Variants in FRMD6 observed in about 807,000 individuals in gnomAD.
The protein encoded by FRMD6 is FERM domain containing 6.
A neutral mutation model predicts 73.2 loss-of-function variants in FRMD6; 37 were observed. The observed-to-expected ratio is 0.51, with a 90% CI of 0.39 to 0.66. The LOEUF (loss-of-function observed/expected upper bound fraction) is 0.66. Among genes scored for constraint, FRMD6 ranks in the 30% least tolerant of loss-of-function variants. The pLI is 0.00. For synonymous variants in FRMD6, 273 were observed against 282.2 expected (o/e 0.97, Z 0.33); for missense variants, 714 against 780.5 (o/e 0.91, Z 1.02).
At chr14:51,497,031 AG>A (rs1883334026) in intron 1 of FRMD6, among the ~76,000 whole-genome samples, 1 of 152,198 alleles carries the variant, frequency 6.6e-6, no homozygotes, top group Admixed American at 6.5e-5. Flanking sequence ...ATGTTGAAAC[AG>A]GGACATGGTA....
At chr14:51,525,014 G>A (rs1885152492) in intron 1 of FRMD6, among the ~76,000 whole-genome samples, 1 of 148,098 alleles carries the variant, frequency 6.8e-6, no homozygotes, top group African/African-American at 2.5e-5. Flanking sequence ...TGTGTGTTGG[G>A]TGGGTGGGTG....
intron 2 of FRMD6, among the ~76,000 whole-genome samples, chr14:51,605,102 C>T (rs1273488070): frequency 1.3e-5 from 2 of 148,668 alleles, no homozygotes; most frequent in East Asian, 4.0e-4. Flanking sequence ...GTTACATAGT[C>T]ATTACTTTTT....
the FRMD6 span, among the ~76,000 whole-genome samples, chr14:51,472,510 A>G: frequency 6.6e-6 from 1 of 152,108 alleles, no homozygotes; most frequent in African/African-American, 2.4e-5. Context: ...TCACCGTGCT[A>G]GCCAGGATGG....
intron 1 of FRMD6, among the ~76,000 whole-genome samples, chr14:51,518,231 T>A (rs1039369188): frequency 1.7e-4 from 26 of 152,300 alleles, no homozygotes; most frequent in African/African-American, 6.3e-4. Flanking sequence ...AAGTATATAC[T>A]GTAGTAAAGA....
chr14:51,626,919 G>T (rs1891139346), intron 2 of FRMD6, among the ~76,000 whole-genome samples: 2 of 152,168 alleles, frequency 1.3e-5, no homozygotes, highest in South Asian at 2.1e-4. Context: ...AGGGAAAAAA[G>T]AAATCTATGT....
chr14:51,399,370 A>G, the FRMD6 span, among the ~76,000 whole-genome samples: 11 of 152,176 alleles, frequency 7.2e-5, no homozygotes, highest in Non-Finnish European at 1.3e-4. Context: ...TAAATCTACT[A>G]CTTTCCTCTC....
intron 2 of FRMD6, among the ~76,000 whole-genome samples, chr14:51,601,990 A>G (rs774719157): frequency 6.6e-6 from 1 of 152,224 alleles, no homozygotes; most frequent in Non-Finnish European, 1.5e-5. Flanking sequence ...TAATACCAAA[A>G]TCAACTTCCT....
At chr14:51,481,872 C>T in the FRMD6 span, among the ~76,000 whole-genome samples, 1 of 152,204 alleles carries the variant, frequency 6.6e-6, no homozygotes, top group East Asian at 1.9e-4. Context: ...GAGATTAGGG[C>T]ATATGCAGAG....
At position 51,597,077 on chromosome 14, in the gene FRMD6, A is replaced by G. The variant is rs115522902; in HGVS notation, c.-147+26667A>G. ...ATTTGCTCATGAAGCAATGTTACCT[A>G]TGATGTGCATAATCATTCACACATT... On this transcript the variant is annotated intron_variant, in intron 2 of 14. Transcript: ENST00000356218. Among the ~76,000 whole-genome samples the G allele has an allele frequency of 4.0e-3, 614 of 152,372 alleles. 2 individuals carry two copies. The highest frequency in any genetic ancestry group is 0.014 in the African/African-American group (587 of 41,596).
chr14:51,406,583 A>G, the FRMD6 span, among the ~76,000 whole-genome samples: 1 of 152,130 alleles, frequency 6.6e-6, no homozygotes, highest in Admixed American at 6.5e-5. Context: ...TTTTGTGGCA[A>G]TTGTGAGTGG....
rs1186587553 is a variant in FRMD6 at position 51,730,605 on chromosome 14, GATC to G, written c.*2582_*2584del. On this transcript the variant is annotated 3_prime_UTR_variant, in exon 14 of 14. Transcript: ENST00000344768. ...CTGTAAATAATCCTTTCTGTGAAAG[GATC>G]ATCATATCAAGATGATACCAAAAGT... 8 of 152,442 alleles carry G rather than the reference GATC, an allele frequency of 5.2e-5. No homozygotes were observed. Among genetic ancestry groups the G allele is most frequent in the Non-Finnish European group, 1.0e-4 (7 of 68,028 alleles). 9.4% of individuals were successfully genotyped at this position (152,442 alleles called of 1,614,324 possible). A position where few individuals can be genotyped will look rare whatever the true frequency, so the allele number is the denominator to read the frequency against.
At chr14:51,473,667 T>C in the FRMD6 span, among the ~76,000 whole-genome samples, 1 of 152,184 alleles carries the variant, frequency 6.6e-6, no homozygotes, top group Admixed American at 6.5e-5. Flanking sequence ...TCTGGCTCTA[T>C]CTCAGGGAGT....
At chr14:51,703,638 GC>G in intron 5 of FRMD6, among the ~76,000 whole-genome samples, 1 of 152,026 alleles carries the variant, frequency 6.6e-6, no homozygotes, top group African/African-American at 2.4e-5. Flanking sequence ...CTATACTTCT[GC>G]CCCTTTTTCC....
chr14:51,419,772 A>G, the FRMD6 span, among the ~76,000 whole-genome samples: 1 of 152,156 alleles, frequency 6.6e-6, no homozygotes, highest in African/African-American at 2.4e-5. Flanking sequence ...AAGGTCTACA[A>G]TCTCTTGTGT....
At chr14:51,628,989 G>GC (rs1277882530) in intron 2 of FRMD6, among the ~76,000 whole-genome samples, 1 of 146,052 alleles carries the variant, frequency 6.8e-6, no homozygotes, top group East Asian at 2.1e-4. Context: ...CCATTCTCCT[G>GC]CCTCAGCCTC....
chr14:51,511,919 C>T (rs768176006), intron 1 of FRMD6, among the ~76,000 whole-genome samples: 2 of 151,634 alleles, frequency 1.3e-5, no homozygotes, highest in African/African-American at 2.4e-5. Flanking sequence ...TTAAAATAAA[C>T]AAGAAACAAC....
intron 6 of FRMD6, among the ~76,000 whole-genome samples, chr14:51,707,076 T>C (rs929335988): frequency 6.6e-6 from 1 of 152,116 alleles, no homozygotes; most frequent in African/African-American, 2.4e-5. Flanking sequence ...CCATCTGCTT[T>C]AGTGCCCTTA....
At chr14:51,398,564 T>A in the FRMD6 span, among the ~76,000 whole-genome samples, 19 of 152,200 alleles carry the variant, frequency 1.2e-4, no homozygotes, top group African/African-American at 4.6e-4. Flanking sequence ...AATTGCATTT[T>A]TTTTTTGCAT....
chr14:51,429,168 A>G, the FRMD6 span, among the ~76,000 whole-genome samples: 1 of 152,190 alleles, frequency 6.6e-6, no homozygotes, highest in African/African-American at 2.4e-5. Context: ...TGATTCTCCA[A>G]ACCAGTTCAG....
Sources: allele counts gnomAD v4.1 joint callset (sites outside exome capture counted in the v4.1 genomes callset), GRCh38; gene constraint gnomAD v4.1.1; transcripts MANE v1.5; gene names NCBI Gene and HGNC (gene_info 2026-07-23, HGNC 2026-07-21).